Variants in MBNL2 observed in about 807,000 individuals in gnomAD.
The protein encoded by MBNL2 is muscleblind-like protein 2.
A neutral mutation model predicts 41.9 loss-of-function variants in MBNL2; 17 were observed. The ratio of observed to expected loss-of-function variants is 0.41; its 90% confidence interval spans 0.28 to 0.61. The LOEUF is 0.61. MBNL2 is among the 20% of genes least tolerant of loss of function. The probability of loss-of-function intolerance (pLI) is 0.35; values close to 1 mark genes in which losing one functional copy is unlikely to be tolerated. For synonymous variants in MBNL2, 195 were observed against 182.9 expected (o/e 1.07, Z -0.53); for missense variants, 336 against 505.6 (o/e 0.66, Z 3.22).
chr13:97,157,606 G>T, the MBNL2 span, among the ~76,000 whole-genome samples: 1 of 149,312 alleles, frequency 6.7e-6, no homozygotes, highest in Non-Finnish European at 1.5e-5. Context: ...TAGCATGAAG[G>T]GTTGTTGAAT....
the MBNL2 span, among the ~76,000 whole-genome samples, chr13:97,144,892 A>G: frequency 1.6e-4 from 24 of 152,244 alleles, no homozygotes; most frequent in African/African-American, 5.8e-4. Context: ...GGACCCTGAC[A>G]TAGAGCTGTG....
chr13:97,306,547 T>G (rs1328272158), intron 2 of MBNL2, among the ~76,000 whole-genome samples: 1 of 152,190 alleles, frequency 6.6e-6, no homozygotes, highest in African/African-American at 2.4e-5. Flanking sequence ...TACATTATAT[T>G]GCAATGATTT....
chr13:97,375,403 TA>T (rs1185510638), intron 8 of MBNL2, among the ~76,000 whole-genome samples: 1 of 152,198 alleles, frequency 6.6e-6, no homozygotes, highest in Non-Finnish European at 1.5e-5. Flanking sequence ...GCTGGGAAAG[TA>T]AGCGCCATGG....
chr13:97,297,856 G>C (rs2057219929), intron 2 of MBNL2, among the ~76,000 whole-genome samples: 1 of 152,202 alleles, frequency 6.6e-6, no homozygotes, highest in South Asian at 2.1e-4. Flanking sequence ...AGCAAAGGCT[G>C]CCAGAAATAA....
Position 97,391,908 on chromosome 13 carries a change from T to A in MBNL2, c.*459T>A, listed in dbSNP as rs2066398910. The A allele has an allele frequency of 6.4e-6, 1 of 156,538 alleles. No homozygotes were observed. Among genetic ancestry groups the A allele is most frequent in the Non-Finnish European group, 1.4e-5 (1 of 71,084 alleles). 9.7% of individuals were successfully genotyped at this position (156,538 alleles called of 1,614,324 possible). A position where few individuals can be genotyped will look rare whatever the true frequency, so the allele number is the denominator to read the frequency against. ...GTAAAACCGATACCTGTCCTGCAGGTCTAAAATTTGAATGGAAATTCAAGC... is the reference window on the plus strand; with the variant it reads ...GTAAAACCGATACCTGTCCTGCAGGACTAAAATTTGAATGGAAATTCAAGC... On this transcript the variant is annotated 3_prime_UTR_variant, in exon 9 of 9. Transcript: ENST00000679496.
intron 8 of MBNL2, among the ~76,000 whole-genome samples, chr13:97,380,710 G>T (rs2065369843): frequency 6.6e-6 from 1 of 151,996 alleles, no homozygotes; most frequent in Non-Finnish European, 1.5e-5. Flanking sequence ...TGAAAGAATG[G>T]GCCTCACCAC....
intron 1 of MBNL2, among the ~76,000 whole-genome samples, chr13:97,225,473 G>A (rs1283690981): frequency 6.6e-6 from 1 of 152,192 alleles, no homozygotes; most frequent in Admixed American, 6.5e-5. Context: ...ATAACTACAA[G>A]ACATGTTGGT....
the MBNL2 span, among the ~76,000 whole-genome samples, chr13:97,175,080 A>G: frequency 3.9e-5 from 6 of 152,356 alleles, no homozygotes; most frequent in East Asian, 1.2e-3. Flanking sequence ...TCCCTGGGCT[A>G]CATTCAGCCA....
chr13:97,240,372 C>G (rs975275399), intron 1 of MBNL2, among the ~76,000 whole-genome samples: 6 of 152,154 alleles, frequency 3.9e-5, no homozygotes, highest in African/African-American at 1.4e-4. Context: ...ATTCCCACTT[C>G]TTTGGGCGAT....
chr13:97,281,461 A>T (rs2053411818), intron 2 of MBNL2, among the ~76,000 whole-genome samples: 1 of 152,236 alleles, frequency 6.6e-6, no homozygotes, highest in Admixed American at 6.5e-5. Context: ...CATATGATGC[A>T]GAAACTACTT....
chr13:97,269,507 G>A lies in MBNL2; in HGVS notation c.-604-6125G>A, dbSNP rs150201200. Among the ~76,000 whole-genome samples the A allele has an allele frequency of 2.9e-3, 436 of 152,280 alleles. 2 individuals carry two copies. The highest frequency in any genetic ancestry group is 0.01 in the African/African-American group (419 of 41,560). ...TTCCTCCCTGCTCATCCAGGGCACTGTGAATGGAAAAGCAGCTGCATTTCC... is the reference window on the plus strand; with the variant it reads ...TTCCTCCCTGCTCATCCAGGGCACTATGAATGGAAAAGCAGCTGCATTTCC... On this transcript the variant is annotated intron_variant, in intron 1 of 8. Transcript: ENST00000679496.
chr13:97,162,869 A>C, the MBNL2 span, among the ~76,000 whole-genome samples: 2 of 152,324 alleles, frequency 1.3e-5, no homozygotes, highest in African/African-American at 4.8e-5. Context: ...AAGACTATAG[A>C]CTGAGTGAGA....
the MBNL2 span, among the ~76,000 whole-genome samples, chr13:97,143,724 A>AT: frequency 6.6e-6 from 1 of 152,028 alleles, no homozygotes; most frequent in African/African-American, 2.4e-5. Flanking sequence ...ACTCTCTTTT[A>AT]TTTTTGCTTC....
At chr13:97,166,849 T>TAGATAGATAGATAGAAAGAAAGAA in the MBNL2 span, among the ~76,000 whole-genome samples, 1 of 139,770 alleles carries the variant, frequency 7.2e-6, no homozygotes, top group Non-Finnish European at 1.6e-5. Flanking sequence ...GAAAGATAGA[T>TAGATAGATAGATAGAAAGAAAGAA]AGAGATATAT....
intron 1 of MBNL2, 135 bp downstream of exon 1, chr13:97,222,666 A>G (rs2040983064): frequency 2.6e-6 from 1 of 392,102 alleles, no homozygotes; most frequent in East Asian, 3.6e-5. Context: ...GGGACCCTGG[A>G]GTTTTACGTA....
the MBNL2 span, among the ~76,000 whole-genome samples, chr13:97,163,749 C>T: frequency 6.6e-6 from 1 of 152,126 alleles, no homozygotes; most frequent in Non-Finnish European, 1.5e-5. Context: ...GCAACCACCC[C>T]CTATCCTCAG....
chr13:97,373,625 T>TA (rs1287135685), intron 8 of MBNL2, among the ~76,000 whole-genome samples: 11 of 150,158 alleles, frequency 7.3e-5, no homozygotes, highest in South Asian at 2.1e-4. Flanking sequence ...TATATATATA[T>TA]TAAGGGTAGG....
At chr13:97,262,336 G>C (rs935596742) in intron 1 of MBNL2, among the ~76,000 whole-genome samples, 1 of 152,162 alleles carries the variant, frequency 6.6e-6, no homozygotes, top group African/African-American at 2.4e-5. Flanking sequence ...ACCACAAATT[G>C]TCCACATGCC....
At chr13:97,281,110 T>C (rs1296991982) in intron 2 of MBNL2, among the ~76,000 whole-genome samples, 1 of 152,232 alleles carries the variant, frequency 6.6e-6, no homozygotes, top group Non-Finnish European at 1.5e-5. Flanking sequence ...CAGTGTCTCA[T>C]ACATAACAGA....
Sources: allele counts gnomAD v4.1 joint callset (sites outside exome capture counted in the v4.1 genomes callset), GRCh38; gene constraint gnomAD v4.1.1; transcripts MANE v1.5; gene names NCBI Gene and HGNC (gene_info 2026-07-23, HGNC 2026-07-21).